The following FSTL5 variants were observed in gnomAD, a reference collection of about 807,000 sequenced individuals.
FSTL5 encodes follistatin like 5.
FSTL5 carries 62 observed loss-of-function variants against 89.1 expected under a neutral mutation model. The ratio of observed to expected loss-of-function variants is 0.70; its 90% CI spans 0.57 to 0.86. FSTL5 has a LOEUF of 0.86. FSTL5 is among the 40% of genes least tolerant of loss of function. The probability of loss-of-function intolerance (pLI) is 0.00; values close to 1 mark genes in which losing one functional copy is unlikely to be tolerated. For synonymous variants in FSTL5, 383 were observed against 346.2 expected, an observed-to-expected ratio of 1.11 and a Z score of -1.18; for missense variants, 1,057 against 1,001.6, an observed-to-expected ratio of 1.06 and a Z score of -0.75.
chr4:161,481,752 A>G (rs557278642), intron 12 of FSTL5, among the ~76,000 whole-genome samples: 1 of 152,302 alleles, frequency 6.6e-6, no homozygotes, highest in South Asian at 2.1e-4. Flanking sequence ...AAAGCTTCTT[A>G]TTCTGCTTCC....
At chr4:162,112,656 A>G (rs1410101610) in intron 1 of FSTL5, among the ~76,000 whole-genome samples, 1 of 152,122 alleles carries the variant, frequency 6.6e-6, no homozygotes, top group Non-Finnish European at 1.5e-5. Context: ...GAATTTCTGG[A>G]ATAGTTATAT....
At chr4:161,453,673 C>T (rs1008000141) in intron 15 of FSTL5, among the ~76,000 whole-genome samples, 4 of 152,156 alleles carry the variant, frequency 2.6e-5, no homozygotes, top group Non-Finnish European at 5.9e-5. Context: ...CAGCTCACTG[C>T]AACCTCCACC....
chr4:161,938,527 G>A lies in FSTL5; in HGVS notation c.161-17875C>T, dbSNP rs753875671. 1.7e-4 allele frequency among the ~76,000 whole-genome samples: 26 copies of A among 152,022 alleles called. 1 individual carries two copies. The highest frequency in any genetic ancestry group is 6.2e-4 in the South Asian group (3 of 4,826). On this transcript the variant is annotated intron_variant, in intron 3 of 15. Coordinates refer to ENST00000306100, the MANE Select transcript of FSTL5 (RefSeq NM_020116.5). ...GAATTGTTTCTATGAGAAATATTAC[G>A]CAAAAAATATGTCATAAGAAACACT... is the stretch of plus-strand genomic sequence containing the variant.
At chr4:161,860,286 T>TCAAACAAACAAACAAACAAA (rs10690156) in intron 4 of FSTL5, among the ~76,000 whole-genome samples, 1 of 149,798 alleles carries the variant, frequency 6.7e-6, no homozygotes, top group Non-Finnish European at 1.5e-5. Flanking sequence ...AGACTCCGTC[T>TCAAACAAACAAACAAACAAA]CAAACAAACA....
rs78394752 is a variant in FSTL5, at chr4:161,674,227, G to T, written c.728-17733C>A. Among the ~76,000 whole-genome samples, 904 of 152,100 alleles carry T rather than the reference G, an allele frequency of 5.9e-3. 9 individuals are homozygous for T. The highest frequency in any genetic ancestry group is 0.046 in the South Asian group (220 of 4,820). ...AAAGCACAAATATATACACATATAT[G>T]TGTAAGAAGCTAAAATTTAATGTTT... is the stretch of plus-strand genomic sequence containing the variant. On this transcript the variant is annotated intron_variant, in intron 6 of 15. Coordinates refer to ENST00000306100, the MANE Select transcript of FSTL5 (RefSeq NM_020116.5).
intron 15 of FSTL5, among the ~76,000 whole-genome samples, chr4:161,412,745 A>G (rs918445509): frequency 1.3e-5 from 2 of 152,162 alleles, no homozygotes; most frequent in African/African-American, 4.8e-5. Context: ...ACAACAGACA[A>G]TTCAGAAATA....
intron 2 of FSTL5, among the ~76,000 whole-genome samples, chr4:162,103,736 G>A (rs577136615): frequency 6.6e-6 from 1 of 152,292 alleles, no homozygotes; most frequent in African/African-American, 2.4e-5. Context: ...TTCCTAGGCA[G>A]ACTAAGAATC....
At chr4:161,437,168 G>A in intron 15 of FSTL5, among the ~76,000 whole-genome samples, 1 of 152,138 alleles carries the variant, frequency 6.6e-6, no homozygotes, top group East Asian at 1.9e-4. Flanking sequence ...CATTAAGAGA[G>A]CCTGGCATGG....
intron 4 of FSTL5, among the ~76,000 whole-genome samples, chr4:161,872,181 T>A (rs1362086702): frequency 7.3e-6 from 1 of 136,720 alleles, no homozygotes; most frequent in African/African-American, 2.7e-5. Context: ...ATTCATCATG[T>A]TGTCCAGGCT....
intron 15 of FSTL5, among the ~76,000 whole-genome samples, chr4:161,435,037 A>T (rs997304672): frequency 2.0e-5 from 3 of 152,138 alleles, no homozygotes; most frequent in Non-Finnish European, 4.4e-5. Flanking sequence ...AACTAAAAGT[A>T]GAGTTACCAT....
chr4:162,085,528 T>G (rs2872707), intron 2 of FSTL5, among the ~76,000 whole-genome samples: 1 of 151,554 alleles, frequency 6.6e-6, no homozygotes, highest in Admixed American at 6.6e-5. Flanking sequence ...TGTGTATACA[T>G]GTTTGCGTGT....
At chr4:161,633,580 C>T (rs1472855626) in intron 7 of FSTL5, among the ~76,000 whole-genome samples, 1 of 151,874 alleles carries the variant, frequency 6.6e-6, no homozygotes, top group Admixed American at 6.6e-5. Flanking sequence ...CTCTTGACCT[C>T]GTGATCCGCC....
At chr4:161,641,259 A>C (rs1037147636) in intron 7 of FSTL5, among the ~76,000 whole-genome samples, 6 of 152,180 alleles carry the variant, frequency 3.9e-5, no homozygotes, top group African/African-American at 1.4e-4. Flanking sequence ...CCACTTTTTA[A>C]TTTCTACATG....
At chr4:161,704,914 C>T (rs1055744927) in intron 6 of FSTL5, among the ~76,000 whole-genome samples, 11 of 152,138 alleles carry the variant, frequency 7.2e-5, no homozygotes, top group African/African-American at 2.6e-4. Context: ...CACTTTTCTT[C>T]TCTGCCTTAT....
At chr4:161,978,255 T>TAAAGCA (rs1735720073) in intron 3 of FSTL5, among the ~76,000 whole-genome samples, 1 of 152,174 alleles carries the variant, frequency 6.6e-6, no homozygotes, top group Non-Finnish European at 1.5e-5. Context: ...TATATGTGCT[T>TAAAGCA]TATGTATCTT....
chr4:162,138,877 A>G (rs560499506), intron 1 of FSTL5, among the ~76,000 whole-genome samples: 159 of 152,216 alleles, frequency 1.0e-3, no homozygotes, highest in Admixed American at 2.5e-3. Context: ...TTGACAGAAG[A>G]ATGCCAATAA....
At chr4:161,574,411 A>G (rs987216311) in intron 8 of FSTL5, among the ~76,000 whole-genome samples, 1 of 149,760 alleles carries the variant, frequency 6.7e-6, no homozygotes, top group Non-Finnish European at 1.5e-5. Flanking sequence ...TTTGTTACAT[A>G]GTTATACATG....
chr4:161,904,718 G>A (rs1357587957), intron 4 of FSTL5, among the ~76,000 whole-genome samples: 4 of 151,720 alleles, frequency 2.6e-5, no homozygotes, highest in Non-Finnish European at 5.9e-5. Flanking sequence ...GTAATGATTT[G>A]AGAATTAACA....
intron 7 of FSTL5, among the ~76,000 whole-genome samples, chr4:161,636,346 T>G (rs1735698670): frequency 6.6e-6 from 1 of 151,824 alleles, no homozygotes; most frequent in East Asian, 1.9e-4. Flanking sequence ...CAAATATAAC[T>G]GTTAAAGTAA....
Sources: allele counts gnomAD v4.1 joint callset (sites outside exome capture counted in the v4.1 genomes callset), GRCh38; gene constraint gnomAD v4.1.1; transcripts MANE v1.5; gene names NCBI Gene and HGNC (gene_info 2026-07-23, HGNC 2026-07-21).